HIP1: variants seen among roughly 807,000 people sequenced by gnomAD.
HIP1 encodes the protein huntingtin-interacting protein 1.
A neutral mutation model predicts 147.6 loss-of-function variants in HIP1; 65 were observed. The observed-to-expected ratio is 0.44, with a 90% CI of 0.36 to 0.54. HIP1 has a LOEUF of 0.54. Ranked by LOEUF, HIP1 falls within the 20% of genes least tolerant of loss-of-function variation. HIP1 has a pLI of 0.00. For synonymous variants in HIP1, 479 were observed against 504.0 expected, an observed-to-expected ratio of 0.95 and a Z score of 0.67; for missense variants, 1,061 against 1,299.6, an observed-to-expected ratio of 0.82 and a Z score of 2.82.
At chr7:75,557,072 G>A (rs1378139276) in intron 16 of HIP1, among the ~76,000 whole-genome samples, 1 of 149,162 alleles carries the variant, frequency 6.7e-6, no homozygotes, top group Admixed American at 6.7e-5. Flanking sequence ...GAGTCTCGCT[G>A]TTGTTGCCCA....
intron 1 of HIP1, among the ~76,000 whole-genome samples, chr7:75,727,395 C>G (rs1801684191): frequency 1.3e-5 from 2 of 151,526 alleles, no homozygotes; most frequent in South Asian, 4.2e-4. Flanking sequence ...AGTGCCTGGC[C>G]TTTTCTTTCT....
chr7:75,600,946 C>T (rs1179635), intron 1 of HIP1, among the ~76,000 whole-genome samples: 66,182 of 151,510 alleles, frequency 0.44, 14,928 homozygotes, highest in African/African-American at 0.47. Context: ...TTGGTAGAGA[C>T]GGGGTCTCAC....
intron 1 of HIP1, among the ~76,000 whole-genome samples, chr7:75,637,074 C>CA (rs1353240893): frequency 3.9e-5 from 6 of 152,198 alleles, no homozygotes; most frequent in African/African-American, 1.4e-4. Flanking sequence ...CCATGGTCCT[C>CA]AAAGCTTTGG....
At chr7:75,647,356 C>T (rs2117177841) in intron 1 of HIP1, among the ~76,000 whole-genome samples, 1 of 152,012 alleles carries the variant, frequency 6.6e-6, no homozygotes, top group East Asian at 1.9e-4. Context: ...AGAGATCGTG[C>T]CACTGCACTC....
rs1236333576 is a variant in HIP1 at position 75,534,741 on chromosome 7, C to T, written c.*3431G>A. 1 of 185,456 alleles carries T rather than the reference C, an allele frequency of 5.4e-6. No homozygotes were observed. Among genetic ancestry groups the T allele is most frequent in the Non-Finnish European group, 1.1e-5 (1 of 87,646 alleles). The allele number at this position is 185,456 out of a possible 1,614,324, so 11.5% of individuals were successfully genotyped here. On this transcript the variant is annotated 3_prime_UTR_variant, in exon 31 of 31. Coordinates refer to ENST00000336926, the MANE Select transcript of HIP1 (RefSeq NM_005338.7). ...GAGACACCATGTCTGGCCTCTTTCT[C>T]TTATGTAAACAAACATCTTTTCTCT...
chr7:75,574,378 C>T (rs1472103105), intron 7 of HIP1, among the ~76,000 whole-genome samples: 1 of 150,702 alleles, frequency 6.6e-6, no homozygotes, highest in Non-Finnish European at 1.5e-5. Flanking sequence ...CGCCTGAGGT[C>T]AGGAGTTCGA....
intron 1 of HIP1, among the ~76,000 whole-genome samples, chr7:75,692,587 A>ATT (rs71082340): frequency 2.2e-3 from 320 of 143,054 alleles, no homozygotes; most frequent in African/African-American, 5.7e-3. Context: ...CGCCTGGCCA[A>ATT]TTTTTTTTTT....
intron 1 of HIP1, among the ~76,000 whole-genome samples, chr7:75,686,654 T>C (rs1470580538): frequency 6.9e-6 from 1 of 145,318 alleles, no homozygotes. Flanking sequence ...TCTTTTCTCA[T>C]TTTTTTTTTG....
At chr7:75,728,672 C>A (rs138100066) in intron 1 of HIP1, among the ~76,000 whole-genome samples, 4 of 151,568 alleles carry the variant, frequency 2.6e-5, no homozygotes, top group Middle Eastern at 3.2e-3. Flanking sequence ...CATAGGGACA[C>A]GCCCCATCCT....
intron 24 of HIP1, 152 bp from the exon 25 acceptor site, chr7:75,547,184 G>A: frequency 1.5e-6 from 1 of 649,318 alleles, no homozygotes; most frequent in Non-Finnish European, 2.7e-6. Context: ...TCTGCGGGGA[G>A]GCACCGAAGG....
At chr7:75,567,495 A>G (rs965263771) in intron 9 of HIP1, among the ~76,000 whole-genome samples, 1 of 151,494 alleles carries the variant, frequency 6.6e-6, no homozygotes, top group Non-Finnish European at 1.5e-5. Flanking sequence ...CTGTCACTTT[A>G]TCACCTTAGA....
In HIP1 at chr7:75,654,127, G is replaced by C. The variant is rs567567646; in HGVS notation, c.121-54880C>G. On this transcript the variant is annotated intron_variant, in intron 1 of 30. Coordinates refer to ENST00000336926, the MANE Select transcript of HIP1 (RefSeq NM_005338.7). ...AAACAGAACATGGCCGGGCGCAGGGGCTCACACCTGTAATCCCAGCACTGT... is the reference window on the plus strand; with the variant it reads ...AAACAGAACATGGCCGGGCGCAGGGCCTCACACCTGTAATCCCAGCACTGT... Among the ~76,000 whole-genome samples the C allele has an allele frequency of 4.6e-5, 7 of 152,122 alleles. No individual in the cohort carries two copies. In the East Asian group the frequency reaches 1.4e-3, roughly 30 times the overall value.
At chr7:75,545,833 C>T (rs1199439209) in intron 25 of HIP1, among the ~76,000 whole-genome samples, 8 of 151,694 alleles carry the variant, frequency 5.3e-5, no homozygotes, top group African/African-American at 7.3e-5. Context: ...CCCAGCTACT[C>T]GGGAGGCTGA....
chr7:75,629,049 G>C (rs1798130732), intron 1 of HIP1, among the ~76,000 whole-genome samples: 1 of 152,146 alleles, frequency 6.6e-6, no homozygotes. Flanking sequence ...GAAAAATCCA[G>C]CAAGAAAAAG....
intron 1 of HIP1, among the ~76,000 whole-genome samples, chr7:75,629,731 G>A (rs952043969): frequency 3.3e-5 from 5 of 151,914 alleles, no homozygotes; most frequent in African/African-American, 7.3e-5. Flanking sequence ...TAGTAGAGAC[G>A]GGTTTTCTCC....
Position 75,686,039 on chromosome 7 carries a change from G to A in HIP1, c.120+52762C>T, listed in dbSNP as rs1800250758. Among the ~76,000 whole-genome samples the A allele has an allele frequency of 2.0e-5, 3 of 152,030 alleles. No individual in the cohort carries two copies. The South Asian group carries it at 6.2e-4, about 31-fold the overall frequency. ...GCCTCCCTAGTAGCTGGGATTACGG[G>A]TGTGTGCCACCACACCTGGCTAATT... On this transcript the variant is annotated intron_variant, in intron 1 of 30. Transcript: ENST00000336926.
At position 75,562,929 on chromosome 7, in the gene HIP1, C is replaced by G; in HGVS notation, c.1020+6G>C. Reference sequence around the variant, plus strand: ...AGGCCAAGTTTCTCTCCCAAGTGGTCCTCACCTGCTGAGAGGCATCCATGT... The same window carrying G: ...AGGCCAAGTTTCTCTCCCAAGTGGTGCTCACCTGCTGAGAGGCATCCATGT... On this transcript the variant is annotated splice_donor_region_variant and intron_variant, in intron 11 of 30. Transcript: ENST00000336926. 1.2e-6 allele frequency: 2 copies of G among 1,614,034 alleles called. No individual in the cohort carries two copies. The highest frequency in any genetic ancestry group is 2.2e-5 in the South Asian group (2 of 91,078).
chr7:75,614,926 C>G (rs1306214938), intron 1 of HIP1, among the ~76,000 whole-genome samples: 1 of 152,046 alleles, frequency 6.6e-6, no homozygotes, highest in Non-Finnish European at 1.5e-5. Flanking sequence ...GCACCCACCA[C>G]CCCGCCTGGC....
At chr7:75,701,677 C>CT (rs1461666733) in intron 1 of HIP1, among the ~76,000 whole-genome samples, 1 of 152,126 alleles carries the variant, frequency 6.6e-6, no homozygotes, top group Non-Finnish European at 1.5e-5. Context: ...GAGCAAGACT[C>CT]TGTCTCTACT....
Sources: gnomAD v4.1 joint callset for allele counts (sites outside exome capture counted in the v4.1 genomes callset) on GRCh38, gnomAD v4.1.1 for gene constraint, MANE v1.5 for transcripts, NCBI Gene and HGNC (gene_info 2026-07-23, HGNC 2026-07-21) for gene names.